The following SORCS3 variants were observed in gnomAD, a reference collection of about 807,000 sequenced individuals.
The protein encoded by SORCS3 is VPS10 domain-containing receptor SorCS3.
SORCS3 carries 57 observed loss-of-function variants against 146.3 expected under a neutral mutation model. That is an observed-to-expected ratio of 0.39 (90% confidence interval 0.31 to 0.49). The LOEUF (loss-of-function observed/expected upper bound fraction) is 0.49, where lower values mean the gene tolerates loss of function less well. Among genes scored for constraint, SORCS3 ranks in the 20% least tolerant of loss-of-function variants. The pLI is 0.92. For synonymous variants in SORCS3, 653 were observed against 618.5 expected (o/e 1.06, Z -0.83); for missense variants, 1,341 against 1,575.5 (o/e 0.85, Z 2.52).
intron 1 of SORCS3, among the ~76,000 whole-genome samples, chr10:104,707,702 C>T (rs2016352864): frequency 6.6e-6 from 1 of 152,194 alleles, no homozygotes; most frequent in Non-Finnish European, 1.5e-5. Context: ...TTTGTTTCAC[C>T]TGCCTTTAAT....
Position 105,067,870 on chromosome 10 carries a change from G to A in SORCS3, c.1029-21905G>A, listed in dbSNP as rs146828915. ...TTTACCTTCCTGACCATCCTCTGCT[G>A]CATCTTTGCTTGCTTCTCTTGGGTT... On this transcript the variant is annotated intron_variant, in intron 5 of 26. Transcript: ENST00000369701. 4.5e-4 allele frequency among the ~76,000 whole-genome samples: 68 copies of A among 151,994 alleles called. 1 individual carries two copies. In the East Asian group the frequency reaches 0.013, roughly 28 times the overall value.
chr10:105,121,435 A>G (rs1476565577), intron 7 of SORCS3, among the ~76,000 whole-genome samples: 1 of 152,212 alleles, frequency 6.6e-6, no homozygotes, highest in Non-Finnish European at 1.5e-5. Flanking sequence ...TGGCAAGGTC[A>G]AGGATATGAC....
intron 25 of SORCS3, among the ~76,000 whole-genome samples, chr10:105,259,869 C>T (rs2056950916): frequency 6.6e-6 from 1 of 152,102 alleles, no homozygotes; most frequent in Admixed American, 6.6e-5. Flanking sequence ...TAGAGGGAGA[C>T]TTGAGCCTAT....
chr10:104,912,299 G>A (rs1232739215), intron 2 of SORCS3, among the ~76,000 whole-genome samples: 2 of 152,190 alleles, frequency 1.3e-5, no homozygotes, highest in East Asian at 3.8e-4. Flanking sequence ...GCCTTCAAGA[G>A]TGTAGAATTA....
chr10:105,242,246 A>G (rs2056828003), intron 20 of SORCS3, among the ~76,000 whole-genome samples: 1 of 141,644 alleles, frequency 7.1e-6, no homozygotes, highest in Non-Finnish European at 1.5e-5. Context: ...TTATATATAT[A>G]TATTTATACA....
At chr10:104,713,433 T>C (rs1002801114) in intron 1 of SORCS3, among the ~76,000 whole-genome samples, 8 of 152,202 alleles carry the variant, frequency 5.3e-5, no homozygotes, top group African/African-American at 1.9e-4. Flanking sequence ...TGTACGTTTT[T>C]TGGGTAGATA....
In SORCS3 at chr10:104,868,067, A is replaced by G. The variant is rs569244738; in HGVS notation, c.695+25208A>G. ...AAACAGGAGCCCCTATCCTTGCTTC[A>G]TATTTTCATATACGATTGTTTTTAA... is the stretch of plus-strand genomic sequence containing the variant. On this transcript the variant is annotated intron_variant, in intron 2 of 26. Coordinates refer to ENST00000369701, the MANE Select transcript of SORCS3 (RefSeq NM_014978.3). Among the ~76,000 whole-genome samples the G allele has an allele frequency of 2.4e-4, 36 of 152,310 alleles. 1 individual carries two copies. The South Asian group carries it at 7.2e-3, about 31-fold the overall frequency.
chr10:104,975,982 A>T (rs1205610420), intron 3 of SORCS3, among the ~76,000 whole-genome samples: 1 of 152,238 alleles, frequency 6.6e-6, no homozygotes, highest in Non-Finnish European at 1.5e-5. Context: ...AGGCATTACC[A>T]TTTAGGACAT....
At chr10:104,824,815 T>A (rs928945180) in intron 1 of SORCS3, among the ~76,000 whole-genome samples, 2 of 152,136 alleles carry the variant, frequency 1.3e-5, no homozygotes, top group African/African-American at 4.8e-5. Flanking sequence ...GGCTGGGAGC[T>A]CTTTTAGCTC....
rs56203751 is a variant in SORCS3, at chr10:104,735,456, G to GTTT, written c.627+93521_627+93523dup. Among the ~76,000 whole-genome samples the GTTT allele has an allele frequency of 4.4e-3, 153 of 34,982 alleles. 18 individuals carry two copies. The East Asian group carries it at 0.06, about 14-fold the overall frequency. The allele number at this position is 34,982 out of a possible 152,430, so 22.9% of individuals were successfully genotyped here. A position where few individuals can be genotyped will look rare whatever the true frequency, so the allele number is the denominator to read the frequency against. ...CGGTATTCATGAGCTCTCACCGTCT[G>GTTT]TTTTTTTTTTTTTTTTTTTTTAATC... is the stretch of plus-strand genomic sequence containing the variant. On this transcript the variant is annotated intron_variant, in intron 1 of 26. Coordinates refer to ENST00000369701, the MANE Select transcript of SORCS3 (RefSeq NM_014978.3).
intron 1 of SORCS3, among the ~76,000 whole-genome samples, chr10:104,662,735 G>T (rs1401192553): frequency 6.6e-6 from 1 of 152,222 alleles, no homozygotes; most frequent in Non-Finnish European, 1.5e-5. Flanking sequence ...AGAGCAAGAT[G>T]AGTAAAGGCT....
chr10:104,997,609 G>C (rs2055034996), intron 4 of SORCS3, among the ~76,000 whole-genome samples: 1 of 152,108 alleles, frequency 6.6e-6, no homozygotes, highest in South Asian at 2.1e-4. Flanking sequence ...GCATATATGT[G>C]CTTTTTGTTT....
intron 1 of SORCS3, among the ~76,000 whole-genome samples, chr10:104,753,737 C>G (rs948935926): frequency 1.3e-5 from 2 of 152,126 alleles, no homozygotes; most frequent in African/African-American, 4.8e-5. Context: ...ATCTTATTTA[C>G]TAGTGTGACA....
chr10:105,157,598 T>C, intron 10 of SORCS3, among the ~76,000 whole-genome samples: 1 of 152,172 alleles, frequency 6.6e-6, no homozygotes, highest in African/African-American at 2.4e-5. Flanking sequence ...ATACATCTAT[T>C]AACTGATACT....
At chr10:104,678,002 A>T (rs1341783937) in intron 1 of SORCS3, among the ~76,000 whole-genome samples, 1 of 152,152 alleles carries the variant, frequency 6.6e-6, no homozygotes, top group Non-Finnish European at 1.5e-5. Context: ...CAGGAGGCAC[A>T]CCCACTTCCC....
chr10:105,094,493 A>T (rs1489191737), intron 6 of SORCS3, among the ~76,000 whole-genome samples: 1 of 152,158 alleles, frequency 6.6e-6, no homozygotes, highest in Non-Finnish European at 1.5e-5. Context: ...TTATGCTTTT[A>T]CCCAATCAAC....
At chr10:105,105,216 C>A (rs1209642555) in intron 6 of SORCS3, among the ~76,000 whole-genome samples, 181 bp from the exon 7 acceptor site, 1 of 152,126 alleles carries the variant, frequency 6.6e-6, no homozygotes, top group Non-Finnish European at 1.5e-5. Context: ...ACTTCTCTGC[C>A]CAAATTAGAT....
intron 1 of SORCS3, among the ~76,000 whole-genome samples, chr10:104,719,890 A>G (rs2016524135): frequency 6.6e-6 from 1 of 152,070 alleles, no homozygotes; most frequent in African/African-American, 2.4e-5. Context: ...ATGGATCTGA[A>G]AGTTGTCTGA....
intron 1 of SORCS3, among the ~76,000 whole-genome samples, chr10:104,748,681 C>T (rs955619945): frequency 1.4e-4 from 21 of 151,996 alleles, no homozygotes; most frequent in African/African-American, 4.8e-4. Context: ...GGTGAAACCC[C>T]GTCTCTACTA....
Sources: allele counts gnomAD v4.1 joint callset (sites outside exome capture counted in the v4.1 genomes callset), GRCh38; gene constraint gnomAD v4.1.1; transcripts MANE v1.5; gene names NCBI Gene and HGNC (gene_info 2026-07-23, HGNC 2026-07-21).